The following TMC7 variants were observed in gnomAD, a reference collection of about 807,000 sequenced individuals.
TMC7 encodes the protein transmembrane channel like 7, also known as transmembrane channel-like protein 7.
TMC7 carries 54 observed loss-of-function variants against 82.9 expected under a neutral mutation model. The observed-to-expected ratio is 0.65, with a 90% CI of 0.52 to 0.82. The LOEUF (loss-of-function observed/expected upper bound fraction) is 0.82. Ranked by LOEUF, TMC7 falls within the 40% of genes least tolerant of loss-of-function variation. The pLI, the probability that TMC7 is intolerant of heterozygous loss-of-function variation, is 0.00. For missense variants in TMC7, 820 were observed against 901.2 expected (o/e 0.91, Z 1.15); for synonymous variants, 350 against 337.9 (o/e 1.04, Z -0.39).
intron 2 of TMC7, chr16:19,012,253 T>A (rs1364662482): frequency 6.6e-6 from 1 of 152,146 alleles, no homozygotes; most frequent in Non-Finnish European, 1.5e-5. Context: ...CATGAAGTGT[T>A]CCATATATAA....
At chr16:19,030,035 C>T (rs761810523) in intron 5 of TMC7, among the ~76,000 whole-genome samples, 189 bp from the exon 6 acceptor site, 1 of 152,144 alleles carries the variant, frequency 6.6e-6, no homozygotes, top group Non-Finnish European at 1.5e-5. Flanking sequence ...ATTTTTAATG[C>T]CAGGGTTTTA....
At chr16:19,028,817 G>A (rs1424086107) in intron 5 of TMC7, among the ~76,000 whole-genome samples, 4 of 151,446 alleles carry the variant, frequency 2.6e-5, no homozygotes, top group South Asian at 4.2e-4. Context: ...CACCATGCCC[G>A]GCTAATTTTT....
intron 14 of TMC7, among the ~76,000 whole-genome samples, chr16:19,058,333 T>G (rs1961861361): frequency 6.6e-6 from 1 of 152,136 alleles, no homozygotes; most frequent in Non-Finnish European, 1.5e-5. Context: ...TGAGCTGAGA[T>G]CGCGCCATTG....
At chr16:18,992,512 A>G (rs558185442) in intron 1 of TMC7, among the ~76,000 whole-genome samples, 2 of 152,214 alleles carry the variant, frequency 1.3e-5, no homozygotes, top group East Asian at 3.9e-4. Flanking sequence ...TTGTCAGATA[A>G]GTAGATTTCA....
rs189489291 is a variant in TMC7 at position 19,036,305 on chromosome 16, C to G, written c.1005+482C>G. On this transcript the variant is annotated intron_variant, in intron 7 of 15. Transcript: ENST00000304381. Reference sequence around the variant, plus strand: ...CAGGCATATCACAAGGTCAGGAGATCGAGACCATCCTGGCTAACACGGTGA... The same window carrying G: ...CAGGCATATCACAAGGTCAGGAGATGGAGACCATCCTGGCTAACACGGTGA... 3.5e-3 allele frequency among the ~76,000 whole-genome samples: 527 copies of G among 152,152 alleles called. 2 individuals carry two copies. Among genetic ancestry groups the G allele is most frequent in the Non-Finnish European group, 6.4e-3 (435 of 67,998 alleles).
chr16:19,005,877 G>A (rs145693767), intron 1 of TMC7, among the ~76,000 whole-genome samples: 18 of 152,304 alleles, frequency 1.2e-4, no homozygotes, highest in Admixed American at 5.9e-4. Flanking sequence ...AGGTAGAAGG[G>A]TGGGTGAGGC....
In TMC7 at chr16:19,045,401, A is replaced by G. The variant is rs143066959; in HGVS notation, c.1516A>G (p.Ile506Val). 16 of 1,613,844 alleles carry G rather than the reference A, an allele frequency of 9.9e-6. No individual in the cohort carries two copies. Among genetic ancestry groups the G allele is most frequent in the Non-Finnish European group, 1.4e-5 (16 of 1,179,996 alleles). The part of the protein sequence containing the change: ...YKLMIFDFII[I>V]LAVTLFVDFP... Reference sequence around the variant, plus strand: ...GCTGATGATCTTCGACTTCATCATCATCTTGGCTGTGACACTCTTCGTGGA... The same window carrying G: ...GCTGATGATCTTCGACTTCATCATCGTCTTGGCTGTGACACTCTTCGTGGA... The change falls in exon 11 of 16, where the codon ATC (isoleucine) becomes GTC (valine). Residue 506 changes from isoleucine (I) to valine (V), a missense_variant. Around this residue, in one of 2 missense-constraint regions of TMC7, gnomAD observed 650 missense variants for 669.9 expected, o/e 0.97. Transcript: ENST00000304381.
At chr16:19,034,605 A>T (rs1427218116) in intron 6 of TMC7, among the ~76,000 whole-genome samples, 1 of 144,294 alleles carries the variant, frequency 6.9e-6, no homozygotes, top group African/African-American at 2.6e-5. Context: ...CTCAAAAATA[A>T]ATAAATAAGT....
chr16:19,049,205 G>C (rs532922687), intron 12 of TMC7, among the ~76,000 whole-genome samples: 366 of 152,046 alleles, frequency 2.4e-3, no homozygotes, highest in South Asian at 3.7e-3. Flanking sequence ...TGTATTTTTA[G>C]TAGAGACAGC....
intron 3 of TMC7, among the ~76,000 whole-genome samples, chr16:19,020,199 T>A (rs1388518449): frequency 1.3e-5 from 2 of 152,188 alleles, no homozygotes; most frequent in Non-Finnish European, 2.9e-5. Context: ...ATTTTGATTT[T>A]AAAAACCTAT....
At chr16:19,042,915 T>C (rs1961087460) in intron 9 of TMC7, among the ~76,000 whole-genome samples, 3 of 151,924 alleles carry the variant, frequency 2.0e-5, no homozygotes, top group Admixed American at 6.6e-5. Flanking sequence ...CCCGGCTAAT[T>C]TTTTGTACTT....
At chr16:19,046,656 G>C (rs922402925) in intron 11 of TMC7, among the ~76,000 whole-genome samples, 2 of 151,904 alleles carry the variant, frequency 1.3e-5, no homozygotes, top group African/African-American at 2.4e-5. Flanking sequence ...GCAAAATAGC[G>C]AGACCCTGTC....
At chr16:19,011,542 T>TA (rs1959344427) in intron 2 of TMC7, among the ~76,000 whole-genome samples, 1 of 149,580 alleles carries the variant, frequency 6.7e-6, no homozygotes, top group African/African-American at 2.5e-5. Flanking sequence ...AATAAATAAA[T>TA]AAATAAAATA....
intron 6 of TMC7, among the ~76,000 whole-genome samples, chr16:19,032,435 TG>T (rs1392840561): frequency 6.6e-6 from 1 of 151,954 alleles, no homozygotes; most frequent in Non-Finnish European, 1.5e-5. Context: ...ATTGGTTGAT[TG>T]GGGTTCCGTG....
At chr16:19,015,447 G>GAAT (rs1959636027) in intron 2 of TMC7, among the ~76,000 whole-genome samples, 1 of 151,852 alleles carries the variant, frequency 6.6e-6, no homozygotes, top group South Asian at 2.1e-4. Flanking sequence ...TTCTGAGGTT[G>GAAT]AATAATATCC....
chr16:19,028,651 A>G (rs1960346714), intron 5 of TMC7, among the ~76,000 whole-genome samples: 2 of 148,326 alleles, frequency 1.3e-5, no homozygotes, highest in Admixed American at 6.7e-5. Context: ...TTCTTTAATT[A>G]TTATTATTAT....
At chr16:19,017,570 A>G (rs953314935) in intron 3 of TMC7, among the ~76,000 whole-genome samples, 5 of 151,632 alleles carry the variant, frequency 3.3e-5, no homozygotes, top group African/African-American at 4.8e-5. Context: ...CTGTAATCCT[A>G]GCATTTTGGG....
At chr16:19,020,411 A>G (rs1478601822) in intron 3 of TMC7, among the ~76,000 whole-genome samples, 1 of 152,168 alleles carries the variant, frequency 6.6e-6, no homozygotes, top group African/African-American at 2.4e-5. Context: ...TTTGCAGATG[A>G]CAATGATATG....
chr16:19,016,331 C>T (rs1207511158), intron 2 of TMC7, 119 bp from the exon 3 acceptor site: 2 of 1,202,038 alleles, frequency 1.7e-6, no homozygotes, highest in Non-Finnish European at 2.3e-6. Flanking sequence ...CTCAGGTGAT[C>T]CACCTGCCTC....
Sources: gnomAD v4.1 joint callset for allele counts (sites outside exome capture counted in the v4.1 genomes callset) on GRCh38, gnomAD v4.1.1 for gene constraint, gnomAD v4.1.1 regional missense constraint, MANE v1.5 for transcripts, NCBI Gene and HGNC (gene_info 2026-07-23, HGNC 2026-07-21) for gene names.